The following FGF12 variants were observed in gnomAD, a reference collection of about 807,000 sequenced individuals.
The protein encoded by FGF12 is fibroblast growth factor 12B.
FGF12 carries 14 observed loss-of-function variants against 23.6 expected under a neutral mutation model. The ratio of observed to expected loss-of-function variants is 0.59; its 90% confidence interval spans 0.39 to 0.93. FGF12 has a LOEUF of 0.93. FGF12 is among the 40% of genes least tolerant of loss of function. The pLI is 0.00. For missense variants in FGF12, 175 were observed against 217.8 expected, an observed-to-expected ratio of 0.80 and a Z score of 1.24; for synonymous variants, 62 against 77.3, an observed-to-expected ratio of 0.80 and a Z score of 1.04.
intron 2 of FGF12, among the ~76,000 whole-genome samples, chr3:192,564,947 A>T (rs936391995): frequency 6.6e-6 from 1 of 152,220 alleles, no homozygotes; most frequent in Non-Finnish European, 1.5e-5. Context: ...TGTTTCCTCT[A>T]CATAAAATAG....
rs1560175682 is a variant in FGF12 at position 192,167,761 on chromosome 3, AT to A, written c.427+2696del. On this transcript the variant is annotated intron_variant, in intron 5 of 5. Coordinates refer to ENST00000445105, the MANE Select transcript of FGF12 (RefSeq NM_004113.6). ...TATATATATATATATATATATATAT[AT>A]ATATATAAAATTTTTTTTTTTTTTT... is the stretch of plus-strand genomic sequence containing the variant. Among the ~76,000 whole-genome samples the A allele has an allele frequency of 7.4e-3, 247 of 33,458 alleles. 23 individuals carry two copies. The highest frequency in any genetic ancestry group is 0.032 in the African/African-American group (227 of 7,118). 21.9% of individuals were successfully genotyped at this position (33,458 alleles called of 152,430 possible). A position where few individuals can be genotyped will look rare whatever the true frequency, so the allele number is the denominator to read the frequency against.
chr3:192,539,147 T>C (rs1725303591), intron 2 of FGF12, among the ~76,000 whole-genome samples: 2 of 152,196 alleles, frequency 1.3e-5, no homozygotes, highest in African/African-American at 4.8e-5. Flanking sequence ...TCTTGTCTGA[T>C]TGCCCTAGCT....
chr3:192,527,486 A>C (rs1724973667), intron 2 of FGF12, among the ~76,000 whole-genome samples: 2 of 152,186 alleles, frequency 1.3e-5, no homozygotes. Flanking sequence ...AATAATGAAA[A>C]ATGGAAGGAT....
chr3:192,210,792 A>T (rs1385370756), intron 4 of FGF12, among the ~76,000 whole-genome samples: 1 of 152,226 alleles, frequency 6.6e-6, no homozygotes, highest in Admixed American at 6.5e-5. Context: ...AATGAGTGCT[A>T]TTAGAATATA....
chr3:192,695,127 T>C (rs567894115), intron 2 of FGF12, among the ~76,000 whole-genome samples: 1 of 152,276 alleles, frequency 6.6e-6, no homozygotes, highest in Admixed American at 6.5e-5. Flanking sequence ...TCATGTAACC[T>C]TAAATATATA....
At chr3:192,551,183 C>T (rs929895518) in intron 2 of FGF12, among the ~76,000 whole-genome samples, 3 of 152,128 alleles carry the variant, frequency 2.0e-5, no homozygotes, top group African/African-American at 7.2e-5. Flanking sequence ...TAAGTTAACC[C>T]CGTATTAACT....
At chr3:192,340,690 T>C (rs374420187) in intron 3 of FGF12, among the ~76,000 whole-genome samples, 1 of 151,886 alleles carries the variant, frequency 6.6e-6, no homozygotes, top group Non-Finnish European at 1.5e-5. Context: ...AAAAAGGTAA[T>C]GGAAAAGGTA....
At chr3:192,608,796 C>A (rs1041819788) in intron 2 of FGF12, among the ~76,000 whole-genome samples, 1 of 152,102 alleles carries the variant, frequency 6.6e-6, no homozygotes, top group African/African-American at 2.4e-5. Context: ...AGTCTCTAAC[C>A]CTTATGCCAA....
In FGF12 at chr3:192,381,055, A is replaced by C. The variant is rs1719793644; in HGVS notation, c.14-20517T>G. 2.0e-5 allele frequency among the ~76,000 whole-genome samples: 3 copies of C among 151,898 alleles called. No individual in the cohort carries two copies. The South Asian group carries it at 6.2e-4, about 31-fold the overall frequency. On this transcript the variant is annotated intron_variant, in intron 2 of 5. Coordinates refer to ENST00000445105, the MANE Select transcript of FGF12 (RefSeq NM_004113.6). ...TCATACATTCATTTTCTTCATGCTA[A>C]GTCTTCAAAACACACTGTGTATTTT... is the stretch of plus-strand genomic sequence containing the variant.
rs1718737947 is a variant in FGF12 at position 192,712,775 on chromosome 3, T to A, written c.13+14406A>T. ...TGTTGGAGAATGTATTCCACCAAAA[T>A]AAGAGAGTGAACTAATACAGAGGAT... On this transcript the variant is annotated intron_variant, in intron 2 of 5. Coordinates refer to ENST00000445105, the MANE Select transcript of FGF12 (RefSeq NM_004113.6). Among the ~76,000 whole-genome samples, 5 of 151,606 alleles carry A rather than the reference T, an allele frequency of 3.3e-5. No homozygotes were observed. In the South Asian group the frequency reaches 1.0e-3, roughly 32 times the overall value.
At chr3:192,298,746 G>T (rs1419337454) in intron 4 of FGF12, among the ~76,000 whole-genome samples, 1 of 147,566 alleles carries the variant, frequency 6.8e-6, no homozygotes, top group Admixed American at 6.7e-5. Flanking sequence ...CTGTCTCAAA[G>T]AAAAAAAAAA....
chr3:192,457,673 C>T (rs913955937), intron 2 of FGF12, among the ~76,000 whole-genome samples: 3 of 152,142 alleles, frequency 2.0e-5, no homozygotes, highest in African/African-American at 7.2e-5. Context: ...AAAAGGGAAA[C>T]AGCATAAAAG....
intron 2 of FGF12, among the ~76,000 whole-genome samples, chr3:192,460,366 G>C (rs1722823853): frequency 6.6e-6 from 1 of 152,166 alleles, no homozygotes; most frequent in African/African-American, 2.4e-5. Context: ...AAACCTGCCT[G>C]AGTTCTCTGT....
intron 2 of FGF12, among the ~76,000 whole-genome samples, chr3:192,702,989 G>A (rs1263503577): frequency 6.6e-6 from 1 of 151,958 alleles, no homozygotes. Flanking sequence ...ACCAAAAGAT[G>A]GTATTTCGTT....
At chr3:192,324,982 T>C (rs936643278) in intron 4 of FGF12, among the ~76,000 whole-genome samples, 3 of 152,130 alleles carry the variant, frequency 2.0e-5, no homozygotes, top group African/African-American at 7.2e-5. Flanking sequence ...TATAAACTCT[T>C]AGAAAAAAAA....
chr3:192,165,890 A>C (rs555400402), intron 5 of FGF12, among the ~76,000 whole-genome samples: 1 of 152,272 alleles, frequency 6.6e-6, no homozygotes, highest in East Asian at 1.9e-4. Context: ...GTGGTCTTGG[A>C]CTGGTTACTT....
intron 2 of FGF12, among the ~76,000 whole-genome samples, chr3:192,582,796 C>T (rs1032900717): frequency 2.0e-5 from 3 of 152,124 alleles, no homozygotes; most frequent in African/African-American, 7.2e-5. Context: ...AATGCCTGTG[C>T]CTAGCTTCTC....
At chr3:192,266,151 T>C (rs866619296) in intron 4 of FGF12, among the ~76,000 whole-genome samples, 3 of 152,182 alleles carry the variant, frequency 2.0e-5, no homozygotes, top group South Asian at 4.1e-4. Flanking sequence ...CTTCTCTGAC[T>C]GCTCAGGTTA....
intron 2 of FGF12, among the ~76,000 whole-genome samples, chr3:192,494,433 T>C (rs1203557581): frequency 6.6e-6 from 1 of 152,208 alleles, no homozygotes; most frequent in Non-Finnish European, 1.5e-5. Context: ...TCAAACCTAC[T>C]TCTACTTCCT....
Sources: gnomAD v4.1 joint callset for allele counts (sites outside exome capture counted in the v4.1 genomes callset) on GRCh38, gnomAD v4.1.1 for gene constraint, MANE v1.5 for transcripts, NCBI Gene and HGNC (gene_info 2026-07-23, HGNC 2026-07-21) for gene names.